The following ZNF184 variants were observed in gnomAD, a reference collection of about 807,000 sequenced individuals.
The protein encoded by ZNF184 is zinc finger protein 184, also known as zinc finger protein 184 (Kruppel-like).
A neutral mutation model predicts 54.4 loss-of-function variants in ZNF184; 16 were observed. The observed-to-expected ratio is 0.29, with a 90% CI of 0.20 to 0.45. The LOEUF is 0.45. ZNF184 is among the 20% of genes least tolerant of loss of function. ZNF184 has a pLI of 1.00. For missense variants in ZNF184, 681 were observed against 888.2 expected, an observed-to-expected ratio of 0.77 and a Z score of 2.97; for synonymous variants, 254 against 295.3, an observed-to-expected ratio of 0.86 and a Z score of 1.43.
At chr6:27,463,700 C>T (rs1763056444) in intron 3 of ZNF184, among the ~76,000 whole-genome samples, 1 of 151,744 alleles carries the variant, frequency 6.6e-6, no homozygotes, top group Non-Finnish European at 1.5e-5. Context: ...AAAAAAGACA[C>T]ACAAATATAA....
Position 27,452,384 on chromosome 6 carries a change from C to T in ZNF184, c.1175G>A (p.Cys392Tyr), listed in dbSNP as rs1333008445. The T allele has an allele frequency of 6.2e-7, 1 of 1,613,906 alleles. No individual in the cohort carries two copies. Among genetic ancestry groups the T allele is most frequent in the African/African-American group, 1.3e-5 (1 of 74,912 alleles). Residue 392 changes from cysteine to tyrosine, a missense_variant, in exon 6 of 6, where the codon TGT (cysteine) becomes TAT (tyrosine). By Grantham distance (194) the Cys-to-Tyr change is radical. Transcript: ENST00000683788. This position sits in a 1 kb window ranked among gnomAD's most constrained non-coding sequence, Gnocchi z 5.5. Reference sequence around the variant, plus strand: ...GTTGAAGGCCTTTCCACATTCATTACATTTATAGGTTTTTTCTCCAGTATG... The same window carrying T: ...GTTGAAGGCCTTTCCACATTCATTATATTTATAGGTTTTTTCTCCAGTATG... ...KIHTGEKTYK[C>Y]NECGKAFNGP...
At chr6:27,414,317 T>C in the ZNF184 span, among the ~76,000 whole-genome samples, 1 of 152,290 alleles carries the variant, frequency 6.6e-6, no homozygotes. Flanking sequence ...GCCAGAAGAA[T>C]CCTTTTTAAT....
At chr6:27,460,289 T>A (rs1762964682) in intron 3 of ZNF184, among the ~76,000 whole-genome samples, 1 of 152,240 alleles carries the variant, frequency 6.6e-6, no homozygotes, top group African/African-American at 2.4e-5. Flanking sequence ...GCTTTTTTTA[T>A]TGCTATGTAT....
At chr6:27,409,877 C>T in the ZNF184 span, among the ~76,000 whole-genome samples, 1 of 152,182 alleles carries the variant, frequency 6.6e-6, no homozygotes, top group Non-Finnish European at 1.5e-5. Flanking sequence ...ACTTCCAGTC[C>T]TATAAGCTCT....
the ZNF184 span, among the ~76,000 whole-genome samples, chr6:27,429,163 T>C: frequency 6.6e-6 from 1 of 152,220 alleles, no homozygotes; most frequent in Non-Finnish European, 1.5e-5. Flanking sequence ...CCTCCATCCA[T>C]TGGTTATTGT....
At chr6:27,440,384 G>A in the ZNF184 span, among the ~76,000 whole-genome samples, 1 of 152,106 alleles carries the variant, frequency 6.6e-6, no homozygotes, top group African/African-American at 2.4e-5. Context: ...TATGGTAAGC[G>A]GTAGTCCTGA....
chr6:27,406,800 A>C, the ZNF184 span: 1 of 152,316 alleles, frequency 6.6e-6, no homozygotes, highest in Admixed American at 6.5e-5. Context: ...ATTTTCTGGC[A>C]GACCATTGGG....
the ZNF184 span, among the ~76,000 whole-genome samples, chr6:27,417,667 T>C: frequency 4.9e-4 from 75 of 152,190 alleles, no homozygotes; most frequent in African/African-American, 1.8e-3. Context: ...TGGATGGACT[T>C]CATTGCTTGA....
chr6:27,417,736 T>C, the ZNF184 span, among the ~76,000 whole-genome samples: 2 of 152,232 alleles, frequency 1.3e-5, no homozygotes, highest in Non-Finnish European at 2.9e-5. Context: ...AGCAGGGCTT[T>C]AATGGTGAAG....
the ZNF184 span, among the ~76,000 whole-genome samples, chr6:27,416,897 A>T: frequency 6.6e-6 from 1 of 152,154 alleles, no homozygotes; most frequent in Admixed American, 6.5e-5. Context: ...AGGTTTAGAG[A>T]GATGATTTAG....
the ZNF184 span, among the ~76,000 whole-genome samples, chr6:27,426,092 G>A: frequency 0.41 from 62,747 of 151,908 alleles, 13,788 homozygotes; most frequent in South Asian, 0.56. This position sits in a 1 kb window ranked among gnomAD's most constrained non-coding sequence, Gnocchi z 4.2. Flanking sequence ...ATCTCCCCTT[G>A]TCACCATCAC....
At chr6:27,470,388 T>C (rs1763245510) in intron 2 of ZNF184, among the ~76,000 whole-genome samples, 1 of 152,184 alleles carries the variant, frequency 6.6e-6, no homozygotes, top group Admixed American at 6.5e-5. Flanking sequence ...TTTGGCTAAG[T>C]ATGTAAGTTT....
intron 3 of ZNF184, among the ~76,000 whole-genome samples, chr6:27,463,740 TTTTGTTA>T (rs1360891598): frequency 6.6e-6 from 1 of 152,110 alleles, no homozygotes; most frequent in African/African-American, 2.4e-5. Flanking sequence ...ACAGTAACTT[TTTTGTTA>T]GAAACAATGG....
the ZNF184 span, among the ~76,000 whole-genome samples, chr6:27,426,939 T>C: frequency 3.9e-5 from 6 of 152,260 alleles, no homozygotes; most frequent in Admixed American, 3.9e-4. This position sits in a 1 kb window ranked among gnomAD's most constrained non-coding sequence, Gnocchi z 4.2. Flanking sequence ...GGAGAAAGAA[T>C]TTCATGTGTT....
At chr6:27,444,751 G>C in the ZNF184 span, among the ~76,000 whole-genome samples, 1 of 152,036 alleles carries the variant, frequency 6.6e-6, no homozygotes, top group Non-Finnish European at 1.5e-5. Context: ...TTTTCATTCA[G>C]CTTCTGGGGT....
chr6:27,425,299 C>G, the ZNF184 span, among the ~76,000 whole-genome samples: 1 of 152,238 alleles, frequency 6.6e-6, no homozygotes, highest in African/African-American at 2.4e-5. Context: ...GGCTGAAGGG[C>G]TCCCCAAGTG....
At chr6:27,457,184 A>C in intron 4 of ZNF184, 99 bp downstream of exon 4, 1 of 1,457,290 alleles carries the variant, frequency 6.9e-7, no homozygotes, top group South Asian at 1.4e-5. Flanking sequence ...AAATTTAGAA[A>C]TGGTTGGTTA....
the ZNF184 span, among the ~76,000 whole-genome samples, chr6:27,425,235 G>A: frequency 6.6e-6 from 1 of 152,238 alleles, no homozygotes; most frequent in African/African-American, 2.4e-5. Flanking sequence ...CAAGCTGAGG[G>A]AGCCGGCTCT....
intron 4 of ZNF184, 48 bp downstream of exon 4, chr6:27,457,235 C>A (rs771693183): frequency 1.3e-6 from 2 of 1,594,660 alleles, no homozygotes; most frequent in Admixed American, 1.7e-5. Context: ...AAGAGAGAAC[C>A]CTCCTCCTGC....
Sources: allele counts gnomAD v4.1 joint callset (sites outside exome capture counted in the v4.1 genomes callset), GRCh38; gene constraint gnomAD v4.1.1; non-coding constraint Gnocchi (gnomAD v3.1); transcripts MANE v1.5; gene names NCBI Gene and HGNC (gene_info 2026-07-23, HGNC 2026-07-21).